Variants in FHIT observed in about 807,000 individuals in gnomAD.
FHIT encodes the protein fragile histidine triad diadenosine triphosphatase.
Under a neutral mutation model 17.9 loss-of-function variants are expected in FHIT, and 19 were observed. The observed-to-expected ratio is 1.06, with a 90% CI of 0.74 to 1.56. FHIT has a LOEUF of 1.56. FHIT is among the 40% of genes most tolerant of loss of function. The pLI is 0.00. For synonymous variants in FHIT, 81 were observed against 69.7 expected, an observed-to-expected ratio of 1.16 and a Z score of -0.81; for missense variants, 248 against 189.2, an observed-to-expected ratio of 1.31 and a Z score of -1.82.
intron 5 of FHIT, among the ~76,000 whole-genome samples, chr3:60,414,492 G>A (rs930011176): frequency 3.3e-5 from 5 of 152,102 alleles, no homozygotes; most frequent in African/African-American, 1.2e-4. Flanking sequence ...AGACAACTAT[G>A]ACCACTACTG....
intron 5 of FHIT, among the ~76,000 whole-genome samples, chr3:60,480,135 G>A (rs1032563081): frequency 2.6e-5 from 4 of 152,134 alleles, no homozygotes; most frequent in African/African-American, 9.7e-5. Context: ...AGCAAGGTAT[G>A]TCTCCCACAG....
rs11716358 is a variant in FHIT, at chr3:60,344,659, A to G, written c.103+192201T>C. Among the ~76,000 whole-genome samples the G allele has an allele frequency of 5.9e-5, 9 of 152,158 alleles. No individual in the cohort carries two copies. In the East Asian group the frequency reaches 1.7e-3, roughly 29 times the overall value. On this transcript the variant is annotated intron_variant, in intron 5 of 9. Transcript: ENST00000492590. ...TTTTAGAGACGCCTCCAAACTTGTTAGAAGATAACGTGTTGACTTTTAGGG... is the reference window on the plus strand; with the variant it reads ...TTTTAGAGACGCCTCCAAACTTGTTGGAAGATAACGTGTTGACTTTTAGGG...
chr3:59,856,329 T>TG (rs1702155786), intron 8 of FHIT, among the ~76,000 whole-genome samples: 2 of 152,122 alleles, frequency 1.3e-5, no homozygotes, highest in African/African-American at 4.8e-5. Flanking sequence ...AAATTTTTTT[T>TG]GCAAAGAAAA....
At chr3:60,385,524 A>G (rs770679027) in intron 5 of FHIT, among the ~76,000 whole-genome samples, 6 of 152,254 alleles carry the variant, frequency 3.9e-5, no homozygotes, top group African/African-American at 7.2e-5. Flanking sequence ...ATCATTTTAT[A>G]TAAGTTAGTT....
chr3:59,865,608 G>T (rs543671212), intron 8 of FHIT, among the ~76,000 whole-genome samples: 1 of 152,322 alleles, frequency 6.6e-6, no homozygotes, highest in East Asian at 1.9e-4. Context: ...AAAGGGAACA[G>T]ATCTTTTGTT....
At chr3:61,139,314 A>G (rs1440283019) in intron 2 of FHIT, among the ~76,000 whole-genome samples, 2 of 152,098 alleles carry the variant, frequency 1.3e-5, no homozygotes, top group Non-Finnish European at 2.9e-5. Context: ...TTTTTATTGC[A>G]GTATAATCTC....
intron 2 of FHIT, among the ~76,000 whole-genome samples, chr3:61,132,352 CA>C (rs1217654231): frequency 4.6e-5 from 7 of 152,200 alleles, no homozygotes; most frequent in Non-Finnish European, 1.0e-4. Flanking sequence ...CTTATTCATC[CA>C]TAGACAATTC....
chr3:60,847,189 G>C (rs1702958151), intron 3 of FHIT, among the ~76,000 whole-genome samples: 1 of 152,006 alleles, frequency 6.6e-6, no homozygotes, highest in African/African-American at 2.4e-5. Flanking sequence ...TACTCAATAG[G>C]GTGCTACATT....
At chr3:60,374,615 G>A (rs1002293932) in intron 5 of FHIT, among the ~76,000 whole-genome samples, 2 of 149,558 alleles carry the variant, frequency 1.3e-5, no homozygotes, top group East Asian at 2.0e-4. Context: ...CCTACAACAC[G>A]GCCTCTTAGG....
At chr3:60,040,903 A>G (rs1039028696) in intron 5 of FHIT, among the ~76,000 whole-genome samples, 5 of 152,124 alleles carry the variant, frequency 3.3e-5, no homozygotes, top group Admixed American at 2.6e-4. Flanking sequence ...AGGCAACTCT[A>G]GGTGGGGGTA....
intron 3 of FHIT, among the ~76,000 whole-genome samples, chr3:60,908,595 C>T (rs537463982): frequency 6.6e-6 from 1 of 150,530 alleles, no homozygotes; most frequent in Admixed American, 6.7e-5. Flanking sequence ...AGAAGAGAGA[C>T]TGAAACAGAC....
At chr3:60,183,210 C>T (rs1022695810) in intron 5 of FHIT, among the ~76,000 whole-genome samples, 11 of 152,020 alleles carry the variant, frequency 7.2e-5, no homozygotes, top group African/African-American at 2.7e-4. Flanking sequence ...ACATCCTAGC[C>T]GACATGGTGA....
chr3:60,779,214 G>T (rs1700304412), intron 4 of FHIT, among the ~76,000 whole-genome samples: 1 of 152,138 alleles, frequency 6.6e-6, no homozygotes, highest in African/African-American at 2.4e-5. Flanking sequence ...CAAAAATGAG[G>T]ACTGGAGAGA....
chr3:61,228,057 G>A (rs1407790031), intron 1 of FHIT, among the ~76,000 whole-genome samples: 1 of 152,080 alleles, frequency 6.6e-6, no homozygotes, highest in Non-Finnish European at 1.5e-5. Flanking sequence ...AAGCAATACA[G>A]TGTAAAAACC....
chr3:61,138,783 A>T (rs1288889924), intron 2 of FHIT, among the ~76,000 whole-genome samples: 1 of 152,208 alleles, frequency 6.6e-6, no homozygotes, highest in Non-Finnish European at 1.5e-5. Flanking sequence ...TTGTCACACA[A>T]GGGCTTCCTC....
chr3:60,460,691 G>A (rs146061376), intron 5 of FHIT, among the ~76,000 whole-genome samples: 311 of 152,260 alleles, frequency 2.0e-3, no homozygotes, highest in African/African-American at 7.2e-3. Context: ...CACCCCACAT[G>A]TGCTGTGATT....
chr3:60,295,556 C>T (rs934007660), intron 5 of FHIT, among the ~76,000 whole-genome samples: 11 of 151,982 alleles, frequency 7.2e-5, no homozygotes, highest in Admixed American at 6.6e-5. Flanking sequence ...CATTGCTACC[C>T]GGACAGCACT....
At chr3:60,159,774 C>G (rs1700856027) in intron 5 of FHIT, among the ~76,000 whole-genome samples, 1 of 152,064 alleles carries the variant, frequency 6.6e-6, no homozygotes, top group African/African-American at 2.4e-5. Context: ...AGTGTCATGC[C>G]CCAAGTCACT....
chr3:60,139,808 A>G (rs1209222465), intron 5 of FHIT, among the ~76,000 whole-genome samples: 2 of 125,234 alleles, frequency 1.6e-5, no homozygotes. Flanking sequence ...TACCTTAAGT[A>G]CCTTTCATTA....
Sources: gnomAD v4.1 joint callset for allele counts (sites outside exome capture counted in the v4.1 genomes callset) on GRCh38, gnomAD v4.1.1 for gene constraint, MANE v1.5 for transcripts, NCBI Gene and HGNC (gene_info 2026-07-23, HGNC 2026-07-21) for gene names.